The following ATP2B2 variants were observed in gnomAD, a reference collection of about 807,000 sequenced individuals.
ATP2B2 encodes the protein plasma membrane calcium-transporting ATPase 2.
Under a neutral mutation model 120.0 loss-of-function variants are expected in ATP2B2, and 15 were observed. The ratio of observed to expected loss-of-function variants is 0.12; its 90% CI spans 0.08 to 0.19. ATP2B2 has a LOEUF of 0.19. Ranked by LOEUF, ATP2B2 falls within the 10% of genes least tolerant of loss-of-function variation. The pLI is 1.00. For synonymous variants in ATP2B2, 694 were observed against 700.3 expected (o/e 0.99, Z 0.14); for missense variants, 1,045 against 1,719.8 (o/e 0.61, Z 6.94).
intron 8 of ATP2B2, among the ~76,000 whole-genome samples, chr3:10,383,340 ACT>A (rs2061584053): frequency 6.6e-6 from 1 of 151,908 alleles, no homozygotes; most frequent in Non-Finnish European, 1.5e-5. Context: ...ACTCTATGTG[ACT>A]CTGTAACTCT....
upstream of ATP2B2, among the ~76,000 whole-genome samples, chr3:10,506,434 C>T (rs928458335): frequency 1.4e-4 from 22 of 152,146 alleles, no homozygotes; most frequent in African/African-American, 4.6e-4. Flanking sequence ...GACACTTCCA[C>T]GGGAACCCAG....
chr3:10,573,012 C>T (rs919534940), intron 2 of ATP2B2, among the ~76,000 whole-genome samples: 25 of 152,122 alleles, frequency 1.6e-4, no homozygotes, highest in Admixed American at 1.2e-3. Flanking sequence ...CGTGCAGATT[C>T]CTGGTGCATC....
chr3:10,399,886 CACA>C (rs2062161549), intron 5 of ATP2B2, among the ~76,000 whole-genome samples: 1 of 152,224 alleles, frequency 6.6e-6, no homozygotes, highest in Admixed American at 6.5e-5. Flanking sequence ...TTGGCTTTCT[CACA>C]ACACCTTCCT....
intron 2 of ATP2B2, among the ~76,000 whole-genome samples, chr3:10,560,012 C>T (rs973772202): frequency 6.6e-6 from 1 of 152,238 alleles, no homozygotes; most frequent in Non-Finnish European, 1.5e-5. Context: ...TGGCCTCTTG[C>T]AGCCTTTGAT....
At chr3:10,385,411 G>A in intron 7 of ATP2B2, 84 bp from the exon 8 acceptor site, 1 of 1,189,320 alleles carries the variant, frequency 8.4e-7, no homozygotes, top group South Asian at 1.2e-5. Context: ...AACTTGTGGG[G>A]AGATAACATG....
At chr3:10,497,632 G>A (rs1358124447) in intron 1 of ATP2B2, among the ~76,000 whole-genome samples, 1 of 152,242 alleles carries the variant, frequency 6.6e-6, no homozygotes, top group African/African-American at 2.4e-5. Flanking sequence ...CTAAGGCACA[G>A]AGAAATTAAG....
intron 1 of ATP2B2, among the ~76,000 whole-genome samples, chr3:10,487,162 T>C (rs1224991247): frequency 1.3e-5 from 2 of 152,188 alleles, no homozygotes; most frequent in African/African-American, 2.4e-5. Context: ...AAATAATATG[T>C]ACTGAGCCTG....
At chr3:10,457,381 C>T (rs747973871) in intron 1 of ATP2B2, among the ~76,000 whole-genome samples, 1 of 151,984 alleles carries the variant, frequency 6.6e-6, no homozygotes, top group African/African-American at 2.4e-5. Flanking sequence ...TGGGGGCACA[C>T]CTGTGTCAGA....
chr3:10,597,937 TG>T (rs2068811661), intron 2 of ATP2B2, among the ~76,000 whole-genome samples: 1 of 152,148 alleles, frequency 6.6e-6, no homozygotes. Flanking sequence ...CATCATCTAT[TG>T]GGTAAACATC....
chr3:10,594,881 C>T (rs986824019), intron 2 of ATP2B2, among the ~76,000 whole-genome samples: 3 of 152,264 alleles, frequency 2.0e-5, no homozygotes, highest in South Asian at 2.1e-4. Context: ...GAAATGGAGG[C>T]GTAAGCGGTT....
chr3:10,708,044 C>T (rs1422637474), upstream of ATP2B2: 1 of 143,674 alleles, frequency 7.0e-6, no homozygotes, highest in Non-Finnish European at 1.6e-5. Flanking sequence ...CGCTCGCCTG[C>T]CCCGCGGCCC....
At chr3:10,599,003 C>T (rs2068835987) in intron 2 of ATP2B2, among the ~76,000 whole-genome samples, 1 of 152,232 alleles carries the variant, frequency 6.6e-6, no homozygotes, top group Non-Finnish European at 1.5e-5. Context: ...ACTGCCCCGG[C>T]CCTCTGCCCA....
At chr3:10,508,521 G>A (rs896907168), upstream of ATP2B2, among the ~76,000 whole-genome samples, 3 of 152,236 alleles carry the variant, frequency 2.0e-5, no homozygotes, top group African/African-American at 7.2e-5. Context: ...GGACCCTTGA[G>A]AACTCCTATC....
At chr3:10,487,167 A>G (rs912624881) in intron 1 of ATP2B2, among the ~76,000 whole-genome samples, 7 of 152,202 alleles carry the variant, frequency 4.6e-5, no homozygotes, top group African/African-American at 1.7e-4. Flanking sequence ...ATATGTACTG[A>G]GCCTGAAACA....
At chr3:10,498,503 C>T (rs2066247746) in intron 1 of ATP2B2, among the ~76,000 whole-genome samples, 2 of 152,238 alleles carry the variant, frequency 1.3e-5, no homozygotes, top group Admixed American at 6.5e-5. Flanking sequence ...GCATTCCCCG[C>T]CCACTGCCTC....
intron 5 of ATP2B2, among the ~76,000 whole-genome samples, chr3:10,390,048 T>C (rs2061798803): frequency 1.3e-5 from 2 of 152,284 alleles, no homozygotes; most frequent in African/African-American, 2.4e-5. Flanking sequence ...GGTAGAAAGC[T>C]GTATATGATG....
At chr3:10,586,297 GGAGAAAGGAAGGGGACCCTGCCAGCACCT>G (rs1426766634) in intron 2 of ATP2B2, among the ~76,000 whole-genome samples, 7 of 152,190 alleles carry the variant, frequency 4.6e-5, no homozygotes, top group African/African-American at 1.2e-4. Flanking sequence ...GCAGAGGAGA[GGAGAAAGGAAGGGGACCCTGCCAGCACCT>G]GAGGTGCCAG....
At chr3:10,565,871 A>G (rs764238193) in intron 2 of ATP2B2, among the ~76,000 whole-genome samples, 1 of 152,148 alleles carries the variant, frequency 6.6e-6, no homozygotes, top group Non-Finnish European at 1.5e-5. Context: ...GGGCAAGCGA[A>G]TAAAACTCTC....
intron 2 of ATP2B2, among the ~76,000 whole-genome samples, chr3:10,596,595 T>C (rs2068769451): frequency 6.6e-6 from 1 of 152,226 alleles, no homozygotes; most frequent in East Asian, 1.9e-4. Flanking sequence ...AGCATCACTT[T>C]AGTAGCAATC....
Sources: gnomAD v4.1 joint callset for allele counts (sites outside exome capture counted in the v4.1 genomes callset) on GRCh38, gnomAD v4.1.1 for gene constraint, MANE v1.5 for transcripts, NCBI Gene and HGNC (gene_info 2026-07-23, HGNC 2026-07-21) for gene names.